Variants in PIBF1 observed in about 807,000 individuals in gnomAD.
PIBF1 encodes progesterone immunomodulatory binding factor 1.
Under a neutral mutation model 112.5 loss-of-function variants are expected in PIBF1, and 90 were observed. The ratio of observed to expected loss-of-function variants is 0.80; its 90% CI spans 0.67 to 0.95. The LOEUF (loss-of-function observed/expected upper bound fraction) is 0.95. Among genes scored for constraint, PIBF1 ranks in the 40% least tolerant of loss-of-function variants. The pLI, the probability that PIBF1 is intolerant of heterozygous loss-of-function variation, is 0.00. For missense variants in PIBF1, 915 were observed against 852.3 expected, an observed-to-expected ratio of 1.07 and a Z score of -0.92; for synonymous variants, 301 against 288.6, an observed-to-expected ratio of 1.04 and a Z score of -0.44.
At chr13:72,821,548 A>T (rs2036557982) in intron 5 of PIBF1, among the ~76,000 whole-genome samples, 1 of 152,188 alleles carries the variant, frequency 6.6e-6, no homozygotes, top group African/African-American at 2.4e-5. Flanking sequence ...AAATGTTTTT[A>T]AAAAGTCATT....
chr13:72,960,016 T>A (rs2042562831), intron 14 of PIBF1, among the ~76,000 whole-genome samples: 1 of 152,214 alleles, frequency 6.6e-6, no homozygotes, highest in African/African-American at 2.4e-5. Context: ...ATAAATTATG[T>A]TTATTTCAAA....
intron 15 of PIBF1, among the ~76,000 whole-genome samples, chr13:72,972,343 AAAGTAGAACTT>A (rs2042917417): frequency 1.3e-5 from 2 of 152,062 alleles, no homozygotes; most frequent in African/African-American, 4.8e-5. Flanking sequence ...CCATTTTCTT[AAAGTAGAACTT>A]AAGTAGAACT....
chr13:72,795,352 A>G lies in PIBF1; in HGVS notation c.354-7A>G. 2 of 1,535,450 alleles carry G rather than the reference A, an allele frequency of 1.3e-6. No homozygotes were observed. The highest frequency in any genetic ancestry group is 1.8e-6 in the Non-Finnish European group (2 of 1,121,740). On this transcript the variant is annotated splice_polypyrimidine_tract_variant and splice_region_variant and intron_variant, in intron 3 of 17. Coordinates refer to ENST00000326291, the MANE Select transcript of PIBF1 (RefSeq NM_006346.4). Reference sequence around the variant, plus strand: ...TAAAGCCTGCCATAAATTCTCTTCTAATGTAGCAAATATCAAGAATTAATG... The same window carrying G: ...TAAAGCCTGCCATAAATTCTCTTCTGATGTAGCAAATATCAAGAATTAATG...
chr13:72,940,712 G>A (rs1295404107), intron 14 of PIBF1, among the ~76,000 whole-genome samples: 11 of 152,150 alleles, frequency 7.2e-5, no homozygotes, highest in South Asian at 2.1e-4. Flanking sequence ...AGGCAGAGAA[G>A]GGTTTATCGT....
chr13:72,856,367 TAGG>T (rs2038422827), intron 10 of PIBF1, among the ~76,000 whole-genome samples: 2 of 152,148 alleles, frequency 1.3e-5, no homozygotes, highest in African/African-American at 4.8e-5. Context: ...AACTGCCAGA[TAGG>T]AGGAGGCTTA....
intron 14 of PIBF1, among the ~76,000 whole-genome samples, chr13:72,949,161 A>G (rs2042226800): frequency 6.6e-6 from 1 of 152,084 alleles, no homozygotes; most frequent in Admixed American, 6.6e-5. Flanking sequence ...TTGAAATCAC[A>G]TTTTCACTAA....
chr13:72,972,675 AAAT>A (rs2042927411), intron 15 of PIBF1, among the ~76,000 whole-genome samples: 1 of 152,016 alleles, frequency 6.6e-6, no homozygotes, highest in South Asian at 2.1e-4. Context: ...AAAAAAAAAA[AAAT>A]GTTTTTACCT....
intron 10 of PIBF1, among the ~76,000 whole-genome samples, chr13:72,854,382 G>GA (rs1232609092): frequency 6.6e-6 from 1 of 152,012 alleles, no homozygotes; most frequent in Non-Finnish European, 1.5e-5. Flanking sequence ...TGTGGATATT[G>GA]AAAATGTGGT....
At chr13:73,013,581 A>G (rs1354830892) in intron 17 of PIBF1, among the ~76,000 whole-genome samples, 1 of 152,018 alleles carries the variant, frequency 6.6e-6, no homozygotes, top group East Asian at 1.9e-4. Flanking sequence ...TATAAAAAAT[A>G]TAAAAATTAG....
At chr13:72,998,674 T>C in intron 16 of PIBF1, 148 bp from the exon 17 acceptor site, 1 of 576,188 alleles carries the variant, frequency 1.7e-6, no homozygotes, top group Non-Finnish European at 3.1e-6. Context: ...AAGATTCATG[T>C]GCATGATTCT....
chr13:72,969,971 TC>T (rs2042846935), intron 15 of PIBF1, among the ~76,000 whole-genome samples: 1 of 152,162 alleles, frequency 6.6e-6, no homozygotes, highest in Non-Finnish European at 1.5e-5. Context: ...ACAGGAAAAT[TC>T]CTATTCCTCA....
intron 13 of PIBF1, among the ~76,000 whole-genome samples, chr13:72,918,090 G>A (rs913357960): frequency 6.6e-6 from 1 of 152,020 alleles, no homozygotes; most frequent in Non-Finnish European, 1.5e-5. Flanking sequence ...TCTCTTGCAC[G>A]AAAATTTATC....
chr13:72,866,604 A>G (rs553659258), intron 10 of PIBF1, among the ~76,000 whole-genome samples: 2 of 152,142 alleles, frequency 1.3e-5, no homozygotes, highest in Non-Finnish European at 2.9e-5. Flanking sequence ...ACATTCTTTA[A>G]GAACATCATG....
At chr13:72,916,566 TA>T (rs1020123355) in intron 12 of PIBF1, among the ~76,000 whole-genome samples, 1 of 151,872 alleles carries the variant, frequency 6.6e-6, no homozygotes, top group African/African-American at 2.4e-5. Context: ...TTTTTACATT[TA>T]AAAAAAGTAA....
At chr13:72,860,494 CAG>C (rs2038646102) in intron 10 of PIBF1, among the ~76,000 whole-genome samples, 1 of 151,972 alleles carries the variant, frequency 6.6e-6, no homozygotes, top group African/African-American at 2.4e-5. Context: ...TTTTATTCTT[CAG>C]AGGTTAAATT....
At chr13:73,013,164 G>A (rs1349877429) in intron 17 of PIBF1, among the ~76,000 whole-genome samples, 3 of 151,598 alleles carry the variant, frequency 2.0e-5, no homozygotes, top group South Asian at 2.1e-4. Context: ...AGCCGGGCGT[G>A]GTGGCGGGCA....
intron 6 of PIBF1, among the ~76,000 whole-genome samples, chr13:72,824,499 A>T (rs1043271327): frequency 6.6e-6 from 1 of 152,166 alleles, no homozygotes; most frequent in Non-Finnish European, 1.5e-5. Flanking sequence ...GGATCTTAAA[A>T]TTTTTTTAAT....
At chr13:72,874,375 C>T (rs2039302445) in intron 10 of PIBF1, among the ~76,000 whole-genome samples, 1 of 152,140 alleles carries the variant, frequency 6.6e-6, no homozygotes, top group South Asian at 2.1e-4. Context: ...TTTGAGTTTA[C>T]ACATGCCATG....
intron 10 of PIBF1, among the ~76,000 whole-genome samples, chr13:72,861,158 T>C (rs916392828): frequency 2.0e-5 from 3 of 152,090 alleles, no homozygotes; most frequent in African/African-American, 7.2e-5. Flanking sequence ...CTATGCAAGG[T>C]ACAGTGGCTC....
Sources: allele counts gnomAD v4.1 joint callset (sites outside exome capture counted in the v4.1 genomes callset), GRCh38; gene constraint gnomAD v4.1.1; transcripts MANE v1.5; gene names NCBI Gene and HGNC (gene_info 2026-07-23, HGNC 2026-07-21).